Variants in DMD observed in about 807,000 individuals in gnomAD.
The protein encoded by DMD is mutant dystrophin.
In DMD, 63 loss-of-function variants were observed where a neutral mutation model predicts 330.1. The ratio of observed to expected loss-of-function variants is 0.19; its 90% CI spans 0.16 to 0.24. DMD has a LOEUF of 0.24. Among genes scored for constraint, DMD ranks in the 10% least tolerant of loss-of-function variants. DMD has a pLI of 1.00. For synonymous variants in DMD, 1,223 were observed against 959.8 expected, an observed-to-expected ratio of 1.27 and a Z score of -5.07; for missense variants, 3,344 against 2,684.1, an observed-to-expected ratio of 1.25 and a Z score of -5.43.
At chrX:32,737,675 A>C (rs188421877) in intron 7 of DMD, among the ~76,000 whole-genome samples, 196 of 111,900 alleles carry the variant, frequency 1.8e-3, no homozygotes, top group African/African-American at 4.7e-3. Flanking sequence ...TGCTTCACTA[A>C]ATCAGTTGAT....
intron 2 of DMD, among the ~76,000 whole-genome samples, chrX:32,993,276 C>T (rs1031846711): frequency 7.2e-5 from 8 of 111,881 alleles, no homozygotes; most frequent in African/African-American, 2.6e-4. Context: ...AGCTGTACAA[C>T]CCGTTTATGT....
Position 32,477,436 on chromosome X carries a change from A to G in DMD, c.2804-5127T>C, listed in dbSNP as rs3805045. ...AAGAAGTTTTCTGCACCTTTTGTTT[A>G]AAAACTGCTTGTCTTTAACTCTTAA... On this transcript the variant is annotated intron_variant, in intron 21 of 78. Transcript: ENST00000357033. Among the ~76,000 whole-genome samples the G allele has an allele frequency of 6.3e-3, 698 of 111,042 alleles. 6 individuals are homozygous for G. The highest frequency in any genetic ancestry group is 0.057 in the South Asian group (150 of 2,645).
intron 44 of DMD, among the ~76,000 whole-genome samples, chrX:32,177,164 C>T (rs1036779056): frequency 1.8e-5 from 2 of 112,050 alleles, no homozygotes; most frequent in South Asian, 3.7e-4. Flanking sequence ...AGACCACCAT[C>T]GCTTCTTGCC....
intron 64 of DMD, among the ~76,000 whole-genome samples, chrX:31,221,476 G>A (rs1183716224): frequency 8.9e-6 from 1 of 112,288 alleles, no homozygotes; most frequent in Non-Finnish European, 1.9e-5. Flanking sequence ...AGAGAGAGCT[G>A]CTTACTCTTC....
intron 2 of DMD, among the ~76,000 whole-genome samples, chrX:32,880,913 C>T: frequency 8.9e-6 from 1 of 112,666 alleles, no homozygotes; most frequent in Non-Finnish European, 1.9e-5. Flanking sequence ...CATCGCACTC[C>T]AGCCTGGGCA....
intron 1 of DMD, among the ~76,000 whole-genome samples, chrX:33,111,689 C>T (rs2095340718): frequency 9.0e-6 from 1 of 111,658 alleles, no homozygotes. Flanking sequence ...TCACTGCAAC[C>T]TCTGCCTCTG....
At chrX:32,993,816 C>A (rs780584765) in intron 2 of DMD, among the ~76,000 whole-genome samples, 3 of 110,238 alleles carry the variant, frequency 2.7e-5, no homozygotes, top group Non-Finnish European at 5.7e-5. Context: ...CCTCGCCTAT[C>A]ACAAGGTTCA....
chrX:32,745,338 A>G (rs1275089579), intron 7 of DMD, among the ~76,000 whole-genome samples: 7 of 112,269 alleles, frequency 6.2e-5, no homozygotes, highest in Admixed American at 1.9e-4. Flanking sequence ...CAAGTTTCTG[A>G]TCTTGTTCTG....
At chrX:32,906,395 C>A (rs1362046252) in intron 2 of DMD, among the ~76,000 whole-genome samples, 1 of 111,995 alleles carries the variant, frequency 8.9e-6, no homozygotes, top group Non-Finnish European at 1.9e-5. Flanking sequence ...CCTGCAGAAC[C>A]GTGAACCAAC....
intron 1 of DMD, among the ~76,000 whole-genome samples, chrX:33,085,144 C>G (rs954585128): frequency 2.7e-5 from 3 of 111,416 alleles, no homozygotes; most frequent in African/African-American, 9.8e-5. Context: ...ATATGTATTA[C>G]TGATGATTTA....
intron 29 of DMD, among the ~76,000 whole-genome samples, chrX:32,427,531 C>T (rs2098218125): frequency 9.1e-6 from 1 of 110,144 alleles, no homozygotes; most frequent in African/African-American, 3.3e-5. Context: ...TCCAGTTGGC[C>T]AATAATTTGT....
intron 1 of DMD, among the ~76,000 whole-genome samples, chrX:33,294,444 C>T (rs112899896): frequency 0.01 from 1,118 of 111,193 alleles, 6 homozygotes; most frequent in Non-Finnish European, 0.017. Context: ...TTCACCCCAA[C>T]CTTCAGGACT....
At chrX:32,441,074 T>A in intron 28 of DMD, 106 bp downstream of exon 28, 1 of 870,778 alleles carries the variant, frequency 1.1e-6, no homozygotes, top group Non-Finnish European at 1.7e-6. Context: ...AACATAGTAA[T>A]TATACTCTCT....
chrX:31,759,713 A>C (rs2089423617), intron 51 of DMD, among the ~76,000 whole-genome samples: 3 of 111,815 alleles, frequency 2.7e-5, no homozygotes, highest in African/African-American at 9.8e-5. Context: ...TTATAAATAA[A>C]ATGATTTCGT....
chrX:32,393,012 A>C (rs181266867), intron 30 of DMD, among the ~76,000 whole-genome samples: 1 of 112,297 alleles, frequency 8.9e-6, no homozygotes, highest in Admixed American at 9.5e-5. Context: ...ACAAAAGAGA[A>C]CCATCCAGGT....
rs185614851 is a variant in DMD, at chrX:32,311,726, C to T, written c.5923-1450G>A. Among the ~76,000 whole-genome samples the T allele has an allele frequency of 5.0e-3, 555 of 111,629 alleles. 4 individuals are homozygous for T. The highest frequency in any genetic ancestry group is 0.017 in the African/African-American group (535 of 30,848). ...TTGATAAATAAAATTCAGAATTTAA[C>T]AGATTTCTTAAGAAATTCTTAATTT... On this transcript the variant is annotated intron_variant, in intron 41 of 78. Transcript: ENST00000357033.
intron 1 of DMD, among the ~76,000 whole-genome samples, chrX:33,254,931 T>C (rs1486831163): frequency 9.0e-6 from 1 of 110,971 alleles, no homozygotes; most frequent in Non-Finnish European, 1.9e-5. Flanking sequence ...ATAGAACACC[T>C]CACGTGTGCA....
intron 44 of DMD, among the ~76,000 whole-genome samples, chrX:32,208,093 C>T (rs1022170341): frequency 9.0e-6 from 1 of 111,583 alleles, no homozygotes; most frequent in African/African-American, 3.3e-5. Context: ...AGCCTGCAGA[C>T]ATTTTAATGC....
chrX:33,189,769 C>G (rs2050442123), intron 1 of DMD, among the ~76,000 whole-genome samples: 1 of 111,261 alleles, frequency 9.0e-6, no homozygotes, highest in Admixed American at 9.6e-5. Context: ...GCATTAGTCT[C>G]TAGCAGGAAA....
Sources: gnomAD v4.1 joint callset for allele counts (sites outside exome capture counted in the v4.1 genomes callset) on GRCh38, gnomAD v4.1.1 for gene constraint, MANE v1.5 for transcripts, NCBI Gene and HGNC (gene_info 2026-07-23, HGNC 2026-07-21) for gene names.